The following NTM variants were observed in gnomAD, a reference collection of about 807,000 sequenced individuals.
NTM encodes the protein IgLON family member 2.
A neutral mutation model predicts 42.1 loss-of-function variants in NTM; 13 were observed. That is an observed-to-expected ratio of 0.31 (90% CI 0.20 to 0.49). The LOEUF is 0.49. Ranked by LOEUF, NTM falls within the 20% of genes least tolerant of loss-of-function variation. NTM has a pLI of 0.99. For missense variants in NTM, 373 were observed against 452.8 expected (o/e 0.82, Z 1.60); for synonymous variants, 187 against 179.2 (o/e 1.04, Z -0.35).
At chr11:131,625,778 T>G (rs979077527) in intron 1 of NTM, among the ~76,000 whole-genome samples, 1 of 152,148 alleles carries the variant, frequency 6.6e-6, no homozygotes, top group Non-Finnish European at 1.5e-5. Flanking sequence ...CCTAGATAAG[T>G]GTGCCTGCTT....
intron 2 of NTM, among the ~76,000 whole-genome samples, chr11:132,097,923 T>G (rs542630256): frequency 9.8e-5 from 15 of 152,372 alleles, no homozygotes; most frequent in South Asian, 2.1e-4. Context: ...CGTTTTGCAA[T>G]TGAGGCAAAC....
At position 132,307,676 on chromosome 11, in the gene NTM, G is replaced by A. The variant is rs751690368; in HGVS notation, c.527-13G>A. 6 of 1,613,676 alleles carry A rather than the reference G, an allele frequency of 3.7e-6. No homozygotes were observed. The highest frequency in any genetic ancestry group is 5.1e-6 in the Non-Finnish European group (6 of 1,179,838). On this transcript the variant is annotated splice_polypyrimidine_tract_variant and intron_variant, in intron 4 of 8. Coordinates refer to ENST00000683400, the MANE Select transcript of NTM (RefSeq NM_001352005.2). ...TCCTTGTATTTCACCACACGTTACC[G>A]GTTTTCCCGCAGCGGTTGGCTTTGT...
At position 131,793,600 on chromosome 11, in the gene NTM, C is replaced by T. The variant is rs1297457535; in HGVS notation, c.83-117964C>T. On this transcript the variant is annotated intron_variant, in intron 1 of 8. Transcript: ENST00000683400. ...CCGGTCAGTCTGATTCCAAGAAAGT[C>T]TAAACAGCACTTACCACTGCTCTGT... Among the ~76,000 whole-genome samples, 3 of 152,208 alleles carry T rather than the reference C, an allele frequency of 2.0e-5. No homozygotes were observed. The East Asian group carries it at 5.8e-4, about 29-fold the overall frequency.
chr11:131,432,839 C>CTTTTTTTTTTTTTTGTTTTTTTTTT (rs1948772190), intron 1 of NTM, among the ~76,000 whole-genome samples: 1 of 68,694 alleles, frequency 1.5e-5, no homozygotes, highest in Non-Finnish European at 2.6e-5. Flanking sequence ...ATTTAGCATT[C>CTTTTTTTTTTTTTTGTTTTTTTTTT]TTTTTTTTTT....
chr11:132,228,543 TAGAACATTGTATA>T (rs1425336317), intron 4 of NTM, among the ~76,000 whole-genome samples: 1 of 152,174 alleles, frequency 6.6e-6, no homozygotes, highest in Non-Finnish European at 1.5e-5. Flanking sequence ...AGTTGATTGA[TAGAACATTGTATA>T]AGATGGGGAA....
intron 1 of NTM, among the ~76,000 whole-genome samples, chr11:131,778,299 C>A (rs540340144): frequency 6.6e-6 from 1 of 152,152 alleles, no homozygotes; most frequent in African/African-American, 2.4e-5. Context: ...GAATGATTTG[C>A]CAAAAGATAA....
At chr11:132,323,478 A>T (rs2095614349) in intron 7 of NTM, among the ~76,000 whole-genome samples, 2 of 151,644 alleles carry the variant, frequency 1.3e-5, no homozygotes, top group Non-Finnish European at 2.9e-5. Context: ...TAAACCAGGA[A>T]GAAGTTGAAT....
chr11:131,821,705 G>T (rs531526042), intron 1 of NTM, among the ~76,000 whole-genome samples: 1 of 152,198 alleles, frequency 6.6e-6, no homozygotes, highest in African/African-American at 2.4e-5. Flanking sequence ...CGTATGTGGC[G>T]TGAGGTGGAG....
At chr11:132,242,199 C>G (rs1035896030) in intron 4 of NTM, among the ~76,000 whole-genome samples, 1 of 152,228 alleles carries the variant, frequency 6.6e-6, no homozygotes, top group Non-Finnish European at 1.5e-5. Flanking sequence ...CTGGGTAACC[C>G]TCTGGAAGTC....
At chr11:132,289,783 C>G (rs1591774608) in intron 4 of NTM, among the ~76,000 whole-genome samples, 1 of 152,326 alleles carries the variant, frequency 6.6e-6, no homozygotes, top group Non-Finnish European at 1.5e-5. Flanking sequence ...TGCTGCAAGA[C>G]TGCAGCGTCA....
At chr11:131,935,200 C>T (rs896254603) in intron 2 of NTM, among the ~76,000 whole-genome samples, 2 of 152,042 alleles carry the variant, frequency 1.3e-5, no homozygotes, top group East Asian at 1.9e-4. Flanking sequence ...AACAGAGTAA[C>T]GGTGGTTTTG....
Position 131,635,705 on chromosome 11 carries a change from T to C in NTM, c.82+264817T>C, listed in dbSNP as rs78048777. Among the ~76,000 whole-genome samples the C allele has an allele frequency of 8.8e-3, 1,336 of 152,240 alleles. 27 individuals are homozygous for C. The highest frequency in any genetic ancestry group is 7.7e-3 in the South Asian group (37 of 4,816). ...TTAGTGTATTTATTAATTTAGTGTA[T>C]CCCAAGTGTACAGTGTTTATAATGT... On this transcript the variant is annotated intron_variant, in intron 1 of 8. Coordinates refer to ENST00000683400, the MANE Select transcript of NTM (RefSeq NM_001352005.2).
chr11:131,373,564 T>C (rs1225858165), intron 1 of NTM, among the ~76,000 whole-genome samples: 1 of 151,618 alleles, frequency 6.6e-6, no homozygotes, highest in Non-Finnish European at 1.5e-5. Flanking sequence ...GGCCCTAAGA[T>C]ACACCAGGGT....
At chr11:131,536,121 T>C (rs2052159198) in intron 1 of NTM, 1 of 152,184 alleles carries the variant, frequency 6.6e-6, no homozygotes, top group African/African-American at 2.4e-5. Flanking sequence ...GGCAAATGGG[T>C]ACTTGCACCC....
intron 3 of NTM, among the ~76,000 whole-genome samples, chr11:132,172,062 T>C (rs1194201289): frequency 6.6e-6 from 1 of 152,210 alleles, no homozygotes; most frequent in Admixed American, 6.5e-5. Flanking sequence ...GTGCCTTAAA[T>C]TCCACATAGC....
chr11:131,481,659 GGCA>G (rs138571724), intron 1 of NTM, among the ~76,000 whole-genome samples: 36,819 of 152,048 alleles, frequency 0.24, 5,313 homozygotes, highest in Non-Finnish European at 0.32. Flanking sequence ...GGTCAGCATA[GGCA>G]GCCACACAGC....
intron 1 of NTM, among the ~76,000 whole-genome samples, chr11:131,599,145 C>T (rs943533203): frequency 1.3e-5 from 2 of 151,960 alleles, no homozygotes; most frequent in African/African-American, 4.8e-5. Flanking sequence ...GAACTCCTGA[C>T]CTCAGGTGAT....
intron 2 of NTM, among the ~76,000 whole-genome samples, chr11:132,021,630 A>T (rs991407318): frequency 1.3e-5 from 2 of 151,904 alleles, no homozygotes; most frequent in African/African-American, 4.8e-5. Flanking sequence ...TGTCTTAGGG[A>T]TTTTTTGATG....
At chr11:131,423,406 G>T (rs1315967601) in intron 1 of NTM, among the ~76,000 whole-genome samples, 1 of 152,168 alleles carries the variant, frequency 6.6e-6, no homozygotes, top group Admixed American at 6.5e-5. Flanking sequence ...TCATAGTAAA[G>T]ATTCAGCACC....
Sources: allele counts gnomAD v4.1 joint callset (sites outside exome capture counted in the v4.1 genomes callset), GRCh38; gene constraint gnomAD v4.1.1; transcripts MANE v1.5; gene names NCBI Gene and HGNC (gene_info 2026-07-23, HGNC 2026-07-21).